WDR76: variants seen among roughly 807,000 people sequenced by gnomAD.
The protein encoded by WDR76 is WD repeat-containing protein 76.
Under a neutral mutation model 70.2 loss-of-function variants are expected in WDR76, and 52 were observed. The observed-to-expected ratio is 0.74, with a 90% confidence interval of 0.59 to 0.93. WDR76 has a LOEUF of 0.93. Among genes scored for constraint, WDR76 ranks in the 40% least tolerant of loss-of-function variants. WDR76 has a pLI of 0.00. For synonymous variants in WDR76, 292 were observed against 271.1 expected (o/e 1.08, Z -0.76); for missense variants, 756 against 760.2 (o/e 0.99, Z 0.07).
chr15:43,831,708 G>A (rs2087591191), intron 2 of WDR76, among the ~76,000 whole-genome samples: 1 of 152,136 alleles, frequency 6.6e-6, no homozygotes, highest in South Asian at 2.1e-4. Context: ...TCACAGTGCT[G>A]GGATTACAGG....
At position 43,861,379 on chromosome 15, in the gene WDR76, A is replaced by C. The variant is rs1469569024; in HGVS notation, c.1609A>C (p.Thr537Pro). ...ATCTTCTAAGATTCCGCTCCTCACC[A>C]CCATCAGGTAGGCTTCTATATGCCA... ...CISSKIPLLTTIRHNTFTGRW... is the reference protein window; with the variant it reads ...CISSKIPLLTPIRHNTFTGRW... Residue 537 changes from threonine (T) to proline (P), a missense_variant, in exon 12 of 13, where the codon ACC (threonine) becomes CCC (proline). Transcript: ENST00000263795. The C allele has an allele frequency of 1.5e-5, 25 of 1,613,792 alleles. No individual in the cohort carries two copies. In the Admixed American group the frequency reaches 4.0e-4, roughly 26 times the overall value.
At chr15:43,836,035 C>G (rs2087651790) in intron 3 of WDR76, 126 bp from the exon 4 acceptor site, 3 of 740,764 alleles carry the variant, frequency 4.0e-6, no homozygotes, top group Non-Finnish European at 2.0e-6. Context: ...GACTCATGGC[C>G]TATCTTAAGG....
chr15:43,851,959 G>A (rs958256308), intron 9 of WDR76, among the ~76,000 whole-genome samples: 5 of 152,178 alleles, frequency 3.3e-5, no homozygotes, highest in African/African-American at 1.2e-4. Flanking sequence ...CTACTCAGGA[G>A]GCTGAGGTGT....
At position 43,857,035 on chromosome 15, in the gene WDR76, T is replaced by A. The variant is rs373458496; in HGVS notation, c.1281T>A (p.Asn427Lys). 5.6e-5 allele frequency: 90 copies of A among 1,614,016 alleles called. No individual in the cohort carries two copies. Among genetic ancestry groups the A allele is most frequent in the Non-Finnish European group, 7.2e-5 (85 of 1,180,010 alleles). The change falls in exon 10 of 13, where the codon AAT (asparagine) becomes AAA (lysine). Residue 427 changes from asparagine to lysine, a missense_variant. Physicochemically the swap from Asn to Lys is moderately conservative, Grantham distance 94 (BLOSUM62 0). Transcript: ENST00000263795. ...TAATAGTAGGACACTGGGATGGAAA[T>A]ATGTCACTGGTGGATAGACGGACAC... ...STLIVGHWDG[N>K]MSLVDRRTPG...
intron 5 of WDR76, among the ~76,000 whole-genome samples, chr15:43,841,307 A>G (rs2140301844): frequency 6.9e-6 from 1 of 145,828 alleles, no homozygotes. Flanking sequence ...GGTTCATGCC[A>G]TTCTCCTGGC....
chr15:43,868,164 A>G lies in WDR76; in HGVS notation c.*1772A>G, dbSNP rs1291593071. ...TGGAAATGTTAATTTATAAAGGGAA[A>G]GAAAAGCTAGGTGAGGTTGAGTTAT... is the stretch of plus-strand genomic sequence containing the variant. On this transcript the variant is annotated 3_prime_UTR_variant, in exon 13 of 13. Coordinates refer to ENST00000263795, the MANE Select transcript of WDR76 (RefSeq NM_024908.4). The G allele has an allele frequency of 1.3e-5, 2 of 152,242 alleles. No homozygotes were observed. Among genetic ancestry groups the G allele is most frequent in the Non-Finnish European group, 2.9e-5 (2 of 68,034 alleles). The allele number at this position is 152,242 out of a possible 1,614,324, so 9.4% of individuals were successfully genotyped here.
At chr15:43,849,146 G>T (rs568333459) in intron 8 of WDR76, among the ~76,000 whole-genome samples, 2 of 146,586 alleles carry the variant, frequency 1.4e-5, no homozygotes, top group African/African-American at 5.1e-5. Context: ...CTGCACTCAA[G>T]CCTGGGTGAC....
At chr15:43,844,083 A>G (rs1222171943) in intron 8 of WDR76, 29 bp downstream of exon 8, 22 of 1,604,988 alleles carry the variant, frequency 1.4e-5, no homozygotes, top group Non-Finnish European at 1.8e-5. Context: ...TGAATATATT[A>G]TAGTTTGACT....
chr15:43,853,731 C>A (rs1057311790), intron 9 of WDR76, among the ~76,000 whole-genome samples: 2 of 151,748 alleles, frequency 1.3e-5, no homozygotes, highest in East Asian at 3.9e-4. Context: ...CATGGTGAAA[C>A]CCCATCTCTA....
chr15:43,862,889 C>T (rs1027061876), intron 12 of WDR76, among the ~76,000 whole-genome samples: 1 of 151,994 alleles, frequency 6.6e-6, no homozygotes, highest in Non-Finnish European at 1.5e-5. Flanking sequence ...AGCGGCCACC[C>T]ACCTTGGCCT....
intron 2 of WDR76, among the ~76,000 whole-genome samples, chr15:43,830,010 TTTC>T (rs1309427838): frequency 6.6e-6 from 1 of 151,524 alleles, no homozygotes; most frequent in Non-Finnish European, 1.5e-5. Context: ...CTTTCTTTCT[TTTC>T]TTTTTTTTTT....
chr15:43,862,379 A>G (rs1247804214), intron 12 of WDR76, among the ~76,000 whole-genome samples: 2 of 130,888 alleles, frequency 1.5e-5, no homozygotes, highest in Non-Finnish European at 3.1e-5. Flanking sequence ...GTGCAGTGGC[A>G]TGATCTTGGC....
chr15:43,835,255 C>G, intron 3 of WDR76, 105 bp downstream of exon 3: 1 of 1,013,508 alleles, frequency 9.9e-7, no homozygotes, highest in South Asian at 1.4e-5. Flanking sequence ...TCGCTTGAGG[C>G]CAGGAGTTCG....
chr15:43,838,037 G>A (rs969692241), intron 4 of WDR76, among the ~76,000 whole-genome samples: 18 of 151,424 alleles, frequency 1.2e-4, no homozygotes, highest in Non-Finnish European at 1.8e-4. Flanking sequence ...CACCACGCCC[G>A]GCTAATTTTT....
At chr15:43,855,344 G>C (rs1595451288) in intron 9 of WDR76, among the ~76,000 whole-genome samples, 1 of 152,300 alleles carries the variant, frequency 6.6e-6, no homozygotes, top group Non-Finnish European at 1.5e-5. Flanking sequence ...GGTTTATGAG[G>C]TTGCTCAAGG....
intron 9 of WDR76, among the ~76,000 whole-genome samples, chr15:43,851,516 A>G (rs1238748082): frequency 6.6e-6 from 1 of 152,216 alleles, no homozygotes; most frequent in Non-Finnish European, 1.5e-5. Flanking sequence ...TAATGAGCTT[A>G]TGCAGATAAA....
In WDR76 at chr15:43,845,832, A is replaced by G. The variant is rs1171839179; in HGVS notation, c.1032+1778A>G. 2.0e-5 allele frequency among the ~76,000 whole-genome samples: 3 copies of G among 150,426 alleles called. No homozygotes were observed. In the East Asian group the frequency reaches 5.8e-4, roughly 29 times the overall value. ...TTCTTATTGGGGAAGAAGACCAAAG[A>G]CATGAAAAATGCCATAAGGACAATT... On this transcript the variant is annotated intron_variant, in intron 8 of 12. Coordinates refer to ENST00000263795, the MANE Select transcript of WDR76 (RefSeq NM_024908.4).
intron 4 of WDR76, among the ~76,000 whole-genome samples, chr15:43,838,691 T>G (rs116408657): frequency 0.012 from 1,888 of 152,308 alleles, 41 homozygotes; most frequent in African/African-American, 0.044. Context: ...TATATGATAT[T>G]CCACTGTATG....
At chr15:43,849,375 T>A (rs181380002) in intron 8 of WDR76, among the ~76,000 whole-genome samples, 1 of 152,350 alleles carries the variant, frequency 6.6e-6, no homozygotes, top group Non-Finnish European at 1.5e-5. Flanking sequence ...CATTTTCTTA[T>A]ATTATTTTGA....
Sources: gnomAD v4.1 joint callset for allele counts (sites outside exome capture counted in the v4.1 genomes callset) on GRCh38, gnomAD v4.1.1 for gene constraint, MANE v1.5 for transcripts, NCBI Gene and HGNC (gene_info 2026-07-23, HGNC 2026-07-21) for gene names.